Variants in GTF2F2 observed in about 807,000 individuals in gnomAD.
GTF2F2 encodes general transcription factor IIF subunit 2, also known as ATP-dependent helicase GTF2F2.
Under a neutral mutation model 42.2 loss-of-function variants are expected in GTF2F2, and 23 were observed. That is an observed-to-expected ratio of 0.55 (90% CI 0.39 to 0.77). The LOEUF (loss-of-function observed/expected upper bound fraction) is 0.77. Among genes scored for constraint, GTF2F2 ranks in the 30% least tolerant of loss-of-function variants. The pLI is 0.00. For synonymous variants in GTF2F2, 105 were observed against 100.8 expected, an observed-to-expected ratio of 1.04 and a Z score of -0.25; for missense variants, 261 against 287.2, an observed-to-expected ratio of 0.91 and a Z score of 0.66.
intron 5 of GTF2F2, among the ~76,000 whole-genome samples, chr13:45,211,760 T>C (rs1348069954): frequency 6.6e-6 from 1 of 151,834 alleles, no homozygotes; most frequent in Non-Finnish European, 1.5e-5. Context: ...GCCAATTTTG[T>C]ATTTTTAGGA....
intron 6 of GTF2F2, among the ~76,000 whole-genome samples, chr13:45,264,581 T>TG (rs1284683173): frequency 6.6e-6 from 1 of 152,192 alleles, no homozygotes; most frequent in Non-Finnish European, 1.5e-5. Context: ...CCATGATTTT[T>TG]GAAAAATCTG....
intron 5 of GTF2F2, among the ~76,000 whole-genome samples, chr13:45,220,336 G>A (rs748535426): frequency 3.3e-5 from 5 of 152,072 alleles, no homozygotes; most frequent in Non-Finnish European, 5.9e-5. Flanking sequence ...TGTATACTAA[G>A]CAGTGTAACA....
At chr13:45,205,123 C>A (rs1274162858) in intron 4 of GTF2F2, among the ~76,000 whole-genome samples, 1 of 152,142 alleles carries the variant, frequency 6.6e-6, no homozygotes, top group Non-Finnish European at 1.5e-5. Context: ...TATATTAGTC[C>A]ATTTTCACAC....
At chr13:45,275,365 C>G (rs1876987195) in intron 7 of GTF2F2, among the ~76,000 whole-genome samples, 1 of 151,852 alleles carries the variant, frequency 6.6e-6, no homozygotes, top group South Asian at 2.1e-4. Flanking sequence ...AGGTTTGTTA[C>G]ATATGTTTAC....
At chr13:45,281,766 C>T (rs1877270991) in intron 7 of GTF2F2, among the ~76,000 whole-genome samples, 1 of 152,230 alleles carries the variant, frequency 6.6e-6, no homozygotes. Context: ...TAATGCCTCA[C>T]TTCAATCAAT....
intron 4 of GTF2F2, among the ~76,000 whole-genome samples, chr13:45,205,498 AG>A (rs1309703544): frequency 1.1e-4 from 17 of 152,120 alleles, no homozygotes; most frequent in Admixed American, 1.0e-3. Flanking sequence ...AATTATTTGC[AG>A]GGATAGTAGT....
chr13:45,155,907 A>T (rs1413888280), intron 4 of GTF2F2, among the ~76,000 whole-genome samples: 1 of 151,812 alleles, frequency 6.6e-6, no homozygotes, highest in Non-Finnish European at 1.5e-5. Context: ...GTAACCATAG[A>T]TCATTTCTAT....
intron 2 of GTF2F2, among the ~76,000 whole-genome samples, chr13:45,139,158 T>A (rs1869786245): frequency 6.6e-6 from 1 of 152,118 alleles, no homozygotes; most frequent in Non-Finnish European, 1.5e-5. Flanking sequence ...GGAGATTGCA[T>A]AATGGTAGAA....
chr13:45,194,466 CAG>C, intron 4 of GTF2F2: 1 of 1,614,082 alleles, frequency 6.2e-7, no homozygotes, highest in Non-Finnish European at 8.5e-7. Context: ...TGAGGGTCAT[CAG>C]TGTGGATTTG....
intron 4 of GTF2F2, among the ~76,000 whole-genome samples, chr13:45,158,742 G>GT (rs1200854609): frequency 6.6e-6 from 1 of 152,216 alleles, no homozygotes; most frequent in Non-Finnish European, 1.5e-5. Flanking sequence ...GTATCTCATG[G>GT]TTATCTCCAC....
At chr13:45,186,779 C>T (rs1872446074) in intron 4 of GTF2F2, among the ~76,000 whole-genome samples, 2 of 151,880 alleles carry the variant, frequency 1.3e-5, no homozygotes, top group African/African-American at 4.8e-5. Context: ...TAATAAATAC[C>T]TGTTTTAACG....
chr13:45,178,265 A>G (rs963467149), intron 4 of GTF2F2, among the ~76,000 whole-genome samples: 2 of 151,832 alleles, frequency 1.3e-5, no homozygotes, highest in African/African-American at 4.8e-5. Flanking sequence ...TATTTTTCCT[A>G]TATACCAACT....
At chr13:45,147,208 C>G (rs1382255617) in intron 2 of GTF2F2, among the ~76,000 whole-genome samples, 1 of 152,184 alleles carries the variant, frequency 6.6e-6, no homozygotes, top group Non-Finnish European at 1.5e-5. Flanking sequence ...GTCATTTCCT[C>G]TTCTCTTAGT....
At chr13:45,160,407 A>G (rs1870978391) in intron 4 of GTF2F2, among the ~76,000 whole-genome samples, 1 of 152,220 alleles carries the variant, frequency 6.6e-6, no homozygotes, top group Non-Finnish European at 1.5e-5. Context: ...AGTTTCTTAA[A>G]GGTCACTTGC....
At chr13:45,200,711 A>T (rs1324378970) in intron 4 of GTF2F2, among the ~76,000 whole-genome samples, 1 of 152,232 alleles carries the variant, frequency 6.6e-6, no homozygotes, top group East Asian at 1.9e-4. Context: ...AGTACCTTTT[A>T]TTAGTAGACC....
At chr13:45,257,333 T>C (rs1013016388) in intron 6 of GTF2F2, among the ~76,000 whole-genome samples, 1 of 152,214 alleles carries the variant, frequency 6.6e-6, no homozygotes, top group African/African-American at 2.4e-5. Context: ...TGGCATTTCC[T>C]GTACCTTAAA....
chr13:45,132,039 T>G (rs1869383947), intron 1 of GTF2F2, among the ~76,000 whole-genome samples: 1 of 152,082 alleles, frequency 6.6e-6, no homozygotes, highest in African/African-American at 2.4e-5. Context: ...CTTAGTTTCC[T>G]CATCTGTAAA....
At chr13:45,173,880 G>A (rs1438208288) in intron 4 of GTF2F2, among the ~76,000 whole-genome samples, 1 of 152,054 alleles carries the variant, frequency 6.6e-6, no homozygotes. Context: ...GCCTCCCAAA[G>A]TGCTGGGATT....
intron 5 of GTF2F2, among the ~76,000 whole-genome samples, chr13:45,245,666 AATATATAT>A (rs372488927): frequency 0.015 from 1,610 of 110,830 alleles, 7 homozygotes; most frequent in African/African-American, 0.018. Context: ...CCATGGTGTG[AATATATAT>A]ATATATATAT....
Sources: allele counts gnomAD v4.1 joint callset (sites outside exome capture counted in the v4.1 genomes callset), GRCh38; gene constraint gnomAD v4.1.1; transcripts MANE v1.5; gene names NCBI Gene and HGNC (gene_info 2026-07-23, HGNC 2026-07-21).